Variants in RAD51B observed in about 807,000 individuals in gnomAD.
The protein encoded by RAD51B is DNA repair protein RAD51 homolog 2.
RAD51B carries 38 observed loss-of-function variants against 42.2 expected under a neutral mutation model. That is an observed-to-expected ratio of 0.90 (90% CI 0.70 to 1.18). The LOEUF is 1.18. Among genes scored for constraint, RAD51B ranks in the 50% most tolerant of loss-of-function variants. The pLI is 0.00. For synonymous variants in RAD51B, 154 were observed against 145.2 expected (o/e 1.06, Z -0.43); for missense variants, 373 against 400.7 (o/e 0.93, Z 0.59).
At chr14:68,433,946 T>C (rs376094814) in intron 9 of RAD51B, among the ~76,000 whole-genome samples, 150 of 152,342 alleles carry the variant, frequency 9.8e-4, no homozygotes, top group African/African-American at 3.3e-3. Flanking sequence ...TCTTTCTGTT[T>C]GTTAGTTTTC....
At chr14:68,643,629 T>G (rs970049245) in intron 10 of RAD51B, among the ~76,000 whole-genome samples, 1 of 152,216 alleles carries the variant, frequency 6.6e-6, no homozygotes, top group Middle Eastern at 3.2e-3. Flanking sequence ...TTTTATTACT[T>G]TGTTTTATCC....
intron 7 of RAD51B, among the ~76,000 whole-genome samples, chr14:68,122,391 C>T (rs1433329697): frequency 6.6e-6 from 1 of 151,992 alleles, no homozygotes; most frequent in East Asian, 1.9e-4. Flanking sequence ...AAGCAATGAC[C>T]AGCGATGGGT....
At chr14:68,275,838 A>ACACACACACC (rs1408523468) in intron 7 of RAD51B, among the ~76,000 whole-genome samples, 3 of 143,070 alleles carry the variant, frequency 2.1e-5, no homozygotes, top group African/African-American at 8.3e-5. Context: ...ACACACACAC[A>ACACACACACC]CACCCTTGAA....
chr14:68,573,039 A>G (rs1036793466), intron 10 of RAD51B, among the ~76,000 whole-genome samples: 1 of 152,152 alleles, frequency 6.6e-6, no homozygotes, highest in African/African-American at 2.4e-5. Flanking sequence ...AGGGAGTGTC[A>G]TCATCCCTCA....
Position 68,484,028 on chromosome 14 carries a change from G to A in RAD51B, c.1036+15778G>A, listed in dbSNP as rs1883407694. On this transcript the variant is annotated intron_variant, in intron 10 of 10. Transcript: ENST00000487270. ...AGAGAGGTTTGTGGACCTGGATTTTGGTGACTTAACAGGGATTTAACTTTC... is the reference window on the plus strand; with the variant it reads ...AGAGAGGTTTGTGGACCTGGATTTTAGTGACTTAACAGGGATTTAACTTTC... Among the ~76,000 whole-genome samples the A allele has an allele frequency of 2.0e-5, 3 of 152,164 alleles. No homozygotes were observed. In the South Asian group the frequency reaches 6.2e-4, roughly 32 times the overall value.
chr14:67,955,543 T>A lies in RAD51B; in HGVS notation c.756+68339T>A, dbSNP rs114629845. On this transcript the variant is annotated intron_variant, in intron 7 of 10. Coordinates refer to ENST00000471583, the MANE Select transcript of RAD51B (RefSeq NM_133510.4). The stretch of plus-strand genomic sequence containing the variant: ...TATATGAAAGATATTTCTCTAGGTT[T>A]GGAAGTATACCAAATTACATGCCTA... 2.3e-3 allele frequency among the ~76,000 whole-genome samples: 353 copies of A among 151,738 alleles called. 1 individual carries two copies. Among genetic ancestry groups the A allele is most frequent in the African/African-American group, 8.2e-3 (342 of 41,504 alleles).
intron 8 of RAD51B, among the ~76,000 whole-genome samples, chr14:68,359,742 G>T (rs1040085859): frequency 7.9e-5 from 12 of 152,198 alleles, no homozygotes; most frequent in African/African-American, 2.9e-4. Flanking sequence ...GTTGTAGGGG[G>T]GCAGTGTTTT....
At chr14:68,371,052 A>G (rs867317292) in intron 8 of RAD51B, among the ~76,000 whole-genome samples, 2,679 of 89,576 alleles carry the variant, frequency 0.03, 66 homozygotes, top group Middle Eastern at 0.066. Flanking sequence ...AAAAAAAAAA[A>G]AAAGAAAAAA....
intron 7 of RAD51B, among the ~76,000 whole-genome samples, chr14:68,271,852 A>G (rs938907213): frequency 2.0e-5 from 3 of 152,240 alleles, no homozygotes; most frequent in African/African-American, 7.2e-5. Flanking sequence ...ATTGCTCAAT[A>G]AATGGTGGCC....
chr14:68,438,574 T>C (rs1272252098), intron 9 of RAD51B, among the ~76,000 whole-genome samples: 2 of 152,162 alleles, frequency 1.3e-5, no homozygotes, highest in African/African-American at 2.4e-5. Context: ...TGATTTCTTA[T>C]AATTGCACAG....
chr14:68,428,406 GACAA>G (rs2084905394), intron 9 of RAD51B, among the ~76,000 whole-genome samples: 1 of 151,378 alleles, frequency 6.6e-6, no homozygotes, highest in African/African-American at 2.4e-5. Flanking sequence ...CTATCCTTTT[GACAA>G]ACAGTCTAAG....
intron 7 of RAD51B, among the ~76,000 whole-genome samples, chr14:68,121,462 A>G (rs548144093): frequency 1.0e-3 from 157 of 152,288 alleles, no homozygotes; most frequent in Non-Finnish European, 1.9e-3. Flanking sequence ...CTTCTAGTCA[A>G]GTGATCTAAG....
intron 10 of RAD51B, chr14:68,497,272 G>A: frequency 2.3e-6 from 3 of 1,317,980 alleles, no homozygotes; most frequent in Admixed American, 2.7e-5. Context: ...GGTTGCTACT[G>A]TGTAGACTCA....
At chr14:67,983,285 A>G (rs956431185) in intron 7 of RAD51B, among the ~76,000 whole-genome samples, 6 of 152,128 alleles carry the variant, frequency 3.9e-5, no homozygotes, top group African/African-American at 1.4e-4. Context: ...AGTAAGCTCA[A>G]ATCTCATTGG....
chr14:68,341,375 G>T (rs367721825), intron 8 of RAD51B, among the ~76,000 whole-genome samples: 3 of 152,100 alleles, frequency 2.0e-5, no homozygotes, highest in Non-Finnish European at 4.4e-5. Flanking sequence ...AAGTGGTCAG[G>T]GTTTTCATAA....
At chr14:68,515,420 TTTCTTCCTTTCTTC>T (rs1426276473) in intron 10 of RAD51B, among the ~76,000 whole-genome samples, 4 of 148,956 alleles carry the variant, frequency 2.7e-5, no homozygotes, top group African/African-American at 7.4e-5. Flanking sequence ...AATAATTTCT[TTTCTTCCTTTCTTC>T]TTCTTCTTCT....
chr14:68,152,006 G>C (rs1465981476), intron 7 of RAD51B, among the ~76,000 whole-genome samples: 1 of 151,604 alleles, frequency 6.6e-6, no homozygotes, highest in Non-Finnish European at 1.5e-5. Flanking sequence ...ACCATGCCTG[G>C]CTAATTTTTT....
intron 7 of RAD51B, among the ~76,000 whole-genome samples, chr14:68,186,157 C>T (rs1472139236): frequency 6.6e-6 from 1 of 152,152 alleles, no homozygotes; most frequent in African/African-American, 2.4e-5. Context: ...GTTGGCTAGC[C>T]ATATGCAGAA....
intron 8 of RAD51B, among the ~76,000 whole-genome samples, chr14:68,343,659 A>G (rs2082614842): frequency 6.6e-6 from 1 of 152,276 alleles, no homozygotes; most frequent in South Asian, 2.1e-4. Context: ...AAGGGAGCCA[A>G]GTGCTAATTT....
Sources: allele counts gnomAD v4.1 joint callset (sites outside exome capture counted in the v4.1 genomes callset), GRCh38; gene constraint gnomAD v4.1.1; transcripts MANE v1.5; gene names NCBI Gene and HGNC (gene_info 2026-07-23, HGNC 2026-07-21).